RDH11: variants seen among roughly 807,000 people sequenced by gnomAD.
The protein encoded by RDH11 is HCV core-binding protein HCBP12.
In RDH11, 19 loss-of-function variants were observed where a neutral mutation model predicts 33.4. The ratio of observed to expected loss-of-function variants is 0.57; its 90% CI spans 0.40 to 0.83. The LOEUF is 0.83. Among genes scored for constraint, RDH11 ranks in the 40% least tolerant of loss-of-function variants. RDH11 has a pLI of 0.00. For synonymous variants in RDH11, 154 were observed against 155.3 expected (o/e 0.99, Z 0.06); for missense variants, 353 against 389.0 (o/e 0.91, Z 0.78).
At chr14:67,690,472 A>T (rs1261056695) in intron 4 of RDH11, 51 bp from the exon 5 acceptor site, 1 of 1,539,938 alleles carries the variant, frequency 6.5e-7, no homozygotes, top group Non-Finnish European at 9.0e-7. Flanking sequence ...TAGGAATGAC[A>T]GGAGTCGTGG....
intron 5 of RDH11, 99 bp from the exon 6 acceptor site, chr14:67,685,303 A>T: frequency 2.2e-6 from 2 of 913,180 alleles, no homozygotes; most frequent in Non-Finnish European, 3.3e-6. Context: ...ACCTTCACAT[A>T]TGGACTCTTT....
At chr14:67,695,308 G>A (rs1566832121) in intron 1 of RDH11, among the ~76,000 whole-genome samples, 1 of 152,206 alleles carries the variant, frequency 6.6e-6, no homozygotes, top group Admixed American at 6.5e-5. Flanking sequence ...TCCCATTGAA[G>A]AGTCCGAAAC....
chr14:67,690,315 G>A lies in RDH11; in HGVS notation c.561C>T (p.Phe187=), dbSNP rs934388616. 6.2e-7 allele frequency: 1 copy of A among 1,614,066 alleles called. No homozygotes were observed. The highest frequency in any genetic ancestry group is 1.3e-5 in the African/African-American group (1 of 74,922). Reference sequence around the variant, plus strand: ...AGAATTTCTCGCCCTGCAGGTTATGGAAGTGGATCCTTCCCAGGTGATGTG... The same window carrying A: ...AGAATTTCTCGCCCTGCAGGTTATGAAAGTGGATCCTTCCCAGGTGATGTG... The part of the protein sequence containing the change: ...SLAHHLGRIH[F]HNLQGEKFYN... Residue 187 remains phenylalanine, a synonymous_variant, in exon 5 of 7, where the codon TTC becomes TTT. Transcript: ENST00000381346.
chr14:67,685,217 G>A lies in RDH11; in HGVS notation c.665-13C>T. On this transcript the variant is annotated splice_polypyrimidine_tract_variant and intron_variant, in intron 5 of 6. Transcript: ENST00000381346. ...GTAACGCCAGAGCCTGGTTGGGGGT[G>A]GCATGAAGAGAGGGTAAGACAGGAC... 1 of 1,604,788 alleles carries A rather than the reference G, an allele frequency of 6.2e-7. No individual in the cohort carries two copies. The highest frequency in any genetic ancestry group is 8.5e-7 in the Non-Finnish European group (1 of 1,174,928).
chr14:67,680,858 C>A (rs2037606749), intron 6 of RDH11, among the ~76,000 whole-genome samples: 1 of 152,174 alleles, frequency 6.6e-6, no homozygotes. Context: ...AAAAGATAAA[C>A]TAATTTCAAA....
intron 6 of RDH11, among the ~76,000 whole-genome samples, chr14:67,679,982 C>T (rs2037594419): frequency 1.3e-5 from 2 of 152,182 alleles, no homozygotes; most frequent in Admixed American, 6.5e-5. Flanking sequence ...AAACTCTTAA[C>T]ACTATGTCAA....
At chr14:67,692,333 AT>A in intron 3 of RDH11, 104 bp downstream of exon 3, 1 of 1,263,256 alleles carries the variant, frequency 7.9e-7, no homozygotes, top group Admixed American at 2.3e-5. Flanking sequence ...TTTTGGCTAT[AT>A]TTTATCCACC....
Position 67,692,523 on chromosome 14 carries a change from C to A in RDH11, c.264G>T (p.Thr88=). 1 of 1,613,474 alleles carries A rather than the reference C, an allele frequency of 6.2e-7. No individual in the cohort carries two copies. The change falls in exon 3 of 7, where the codon ACG becomes ACT. Residue 88 remains threonine (T), a synonymous_variant. Coordinates refer to ENST00000381346, the MANE Select transcript of RDH11 (RefSeq NM_016026.4). ...GELVAKEIQT[T]TGNQQVLVRK... ...GCACCAACACCTGCTGGTTCCCTGT[C>A]GTGGTCTGGATCTCTTTGGCCACCA... is the stretch of plus-strand genomic sequence containing the variant.
intron 5 of RDH11, among the ~76,000 whole-genome samples, chr14:67,687,426 T>C (rs116627026): frequency 6.6e-6 from 1 of 151,672 alleles, no homozygotes; most frequent in Non-Finnish European, 1.5e-5. Context: ...CTTTGTACAT[T>C]CTCCTCCTTC....
Position 67,678,117 on chromosome 14 carries a change from AG to A in RDH11, c.*203del, listed in dbSNP as rs528818260. 1.0e-3 allele frequency: 532 copies of A among 510,042 alleles called. 1 individual carries two copies. The highest frequency in any genetic ancestry group is 1.6e-3 in the Non-Finnish European group (460 of 281,316). 31.6% of individuals were successfully genotyped at this position (510,042 alleles called of 1,614,324 possible). A position where few individuals can be genotyped will look rare whatever the true frequency, so the allele number is the denominator to read the frequency against. On this transcript the variant is annotated 3_prime_UTR_variant, in exon 7 of 7. Coordinates refer to ENST00000381346, the MANE Select transcript of RDH11 (RefSeq NM_016026.4). ...TATCTCTAGTAACTCTGGCAGTAAC[AG>A]AAGCAAAGTAAATCTGGACATGACA...
At chr14:67,694,969 G>C (rs907686131) in intron 1 of RDH11, among the ~76,000 whole-genome samples, 2 of 152,106 alleles carry the variant, frequency 1.3e-5, no homozygotes, top group African/African-American at 4.8e-5. Context: ...GCCAGCCTTG[G>C]GCTGATTGAT....
intron 6 of RDH11, chr14:67,684,515 T>C (rs1280372819): frequency 6.6e-6 from 1 of 152,270 alleles, no homozygotes; most frequent in African/African-American, 2.4e-5. Flanking sequence ...ATTTTAAATG[T>C]CTTCGCTTAT....
chr14:67,692,714 A>C, intron 2 of RDH11, 121 bp from the exon 3 acceptor site: 2 of 1,214,442 alleles, frequency 1.6e-6, no homozygotes, highest in African/African-American at 3.1e-5. Context: ...TTCACAACAG[A>C]GGTATCTGAT....
At position 67,684,996 on chromosome 14, in the gene RDH11, A is replaced by C; in HGVS notation, c.854+19T>G. The stretch of plus-strand genomic sequence containing the variant: ...TTTGAGCAATAAATCTCATCTGCAA[A>C]AAGAGATAACATTCATACCTGAAAT... On this transcript the variant is annotated intron_variant, in intron 6 of 6. Coordinates refer to ENST00000381346, the MANE Select transcript of RDH11 (RefSeq NM_016026.4). The C allele has an allele frequency of 6.3e-7, 1 of 1,586,632 alleles. No homozygotes were observed. The highest frequency in any genetic ancestry group is 8.6e-7 in the Non-Finnish European group (1 of 1,166,534).
intron 6 of RDH11, among the ~76,000 whole-genome samples, chr14:67,680,437 T>C (rs572842358): frequency 4.7e-4 from 71 of 152,338 alleles, no homozygotes; most frequent in Non-Finnish European, 8.4e-4. Flanking sequence ...TTGTAGGCTA[T>C]AAAAACTAAT....
intron 6 of RDH11, among the ~76,000 whole-genome samples, chr14:67,680,486 G>A (rs766585382): frequency 3.2e-4 from 49 of 152,104 alleles, no homozygotes; most frequent in Admixed American, 1.0e-3. Flanking sequence ...GTTTTTTTTA[G>A]ACAGGGTCTC....
At chr14:67,688,196 C>A (rs1046587028) in intron 5 of RDH11, among the ~76,000 whole-genome samples, 4 of 152,144 alleles carry the variant, frequency 2.6e-5, no homozygotes. Context: ...TAAGGTCCCC[C>A]CAAGACTCCC....
In RDH11 at chr14:67,678,381, C is replaced by G. The variant is rs764309517; in HGVS notation, c.897G>C (p.Glu299Asp). Residue 299 changes from glutamate to aspartate, a missense_variant, in exon 7 of 7, where the codon GAG becomes GAC. Coordinates refer to ENST00000381346, the MANE Select transcript of RDH11 (RefSeq NM_016026.4). ...CGTCCCACAGCCGCCTTGCTATAGTCTCATTACGAGCTTGGGCAGAGACCC... is the reference window on the plus strand; with the variant it reads ...CGTCCCACAGCCGCCTTGCTATAGTGTCATTACGAGCTTGGGCAGAGACCC... ...VAWVSAQARN[E>D]TIARRLWDVS... 1.2e-6 allele frequency: 2 copies of G among 1,614,084 alleles called. No homozygotes were observed. The highest frequency in any genetic ancestry group is 3.3e-5 in the Admixed American group (2 of 60,022).
At chr14:67,687,661 G>A (rs1020512648) in intron 5 of RDH11, among the ~76,000 whole-genome samples, 7 of 151,660 alleles carry the variant, frequency 4.6e-5, no homozygotes, top group South Asian at 2.1e-4. Flanking sequence ...AGTAGAGATG[G>A]GGTTTCTCCA....
Sources: allele counts gnomAD v4.1 joint callset (sites outside exome capture counted in the v4.1 genomes callset), GRCh38; gene constraint gnomAD v4.1.1; transcripts MANE v1.5; gene names NCBI Gene and HGNC (gene_info 2026-07-23, HGNC 2026-07-21).